Variants in TTBK2 observed in about 807,000 individuals in gnomAD.
The protein encoded by TTBK2 is tau tubulin kinase 2, also known as tau-tubulin kinase 2.
TTBK2 carries 28 observed loss-of-function variants against 110.8 expected under a neutral mutation model. The ratio of observed to expected loss-of-function variants is 0.25; its 90% CI spans 0.19 to 0.35. The LOEUF (loss-of-function observed/expected upper bound fraction) is 0.35, where lower values mean the gene tolerates loss of function less well. Among genes scored for constraint, TTBK2 ranks in the 10% least tolerant of loss-of-function variants. TTBK2 has a pLI of 1.00. For missense variants in TTBK2, 1,369 were observed against 1,500.3 expected, an observed-to-expected ratio of 0.91 and a Z score of 1.45; for synonymous variants, 532 against 527.3, an observed-to-expected ratio of 1.01 and a Z score of -0.12.
intron 13 of TTBK2, among the ~76,000 whole-genome samples, chr15:42,773,834 A>AGC (rs1889782816): frequency 1.3e-5 from 2 of 151,044 alleles, no homozygotes; most frequent in Admixed American, 6.6e-5. Flanking sequence ...GTTAGTAGTT[A>AGC]CCTCCCTCTA....
At chr15:42,837,294 G>T (rs1192111360) in intron 4 of TTBK2, among the ~76,000 whole-genome samples, 2 of 150,422 alleles carry the variant, frequency 1.3e-5, no homozygotes, top group South Asian at 2.1e-4. Flanking sequence ...GGAGGCGAAG[G>T]TTGCAGTGAG....
chr15:42,753,728 A>G (rs988774672), intron 13 of TTBK2, among the ~76,000 whole-genome samples: 1 of 151,944 alleles, frequency 6.6e-6, no homozygotes, highest in South Asian at 2.1e-4. Context: ...CTCAGCTACT[A>G]CCCTCGCCAA....
intron 1 of TTBK2, among the ~76,000 whole-genome samples, chr15:42,895,539 A>ATTTT (rs1019730546): frequency 7.0e-6 from 1 of 142,328 alleles, no homozygotes; most frequent in African/African-American, 2.6e-5. Flanking sequence ...CATCAAAAAG[A>ATTTT]TTTTTTTTTT....
At position 42,775,195 on chromosome 15, in the gene TTBK2, C is replaced by T; in HGVS notation, c.1938G>A (p.Gln646=). 4 of 1,614,258 alleles carry T rather than the reference C, an allele frequency of 2.5e-6. No individual in the cohort carries two copies. The highest frequency in any genetic ancestry group is 3.4e-6 in the Non-Finnish European group (4 of 1,180,046). Residue 646 remains glutamine (Q), a synonymous_variant, in exon 13 of 15, where the codon CAG becomes CAA. Transcript: ENST00000267890. The part of the protein sequence containing the change: ...RLELQPGAAS[Q]FIAATPTSLM... The stretch of plus-strand genomic sequence containing the variant: ...GACTTGTGGGCGTCGCTGCAATAAA[C>T]TGACTAGCAGCTCCAGGCTGGAGTT...
At chr15:42,784,260 T>G (rs1232617167) in intron 10 of TTBK2, among the ~76,000 whole-genome samples, 1 of 152,168 alleles carries the variant, frequency 6.6e-6, no homozygotes, top group Non-Finnish European at 1.5e-5. Context: ...CATAGAAGTC[T>G]CTGTCAATTA....
intron 3 of TTBK2, among the ~76,000 whole-genome samples, chr15:42,860,893 C>T (rs1022580342): frequency 6.6e-6 from 1 of 152,002 alleles, no homozygotes; most frequent in African/African-American, 2.4e-5. Flanking sequence ...AGGTGATCCA[C>T]CCACCTCAGC....
intron 1 of TTBK2, among the ~76,000 whole-genome samples, chr15:42,890,108 C>G (rs1355498223): frequency 6.6e-6 from 1 of 152,164 alleles, no homozygotes; most frequent in African/African-American, 2.4e-5. Context: ...GTTTCTCCCC[C>G]ACCCTTAAGA....
chr15:42,824,352 G>A (rs1892439321), intron 6 of TTBK2, among the ~76,000 whole-genome samples: 2 of 152,040 alleles, frequency 1.3e-5, no homozygotes, highest in African/African-American at 4.8e-5. Flanking sequence ...ATCTAAGTCT[G>A]TACTTGAGTT....
intron 3 of TTBK2, among the ~76,000 whole-genome samples, chr15:42,867,174 G>A (rs182286226): frequency 0.012 from 1,743 of 151,430 alleles, 131 homozygotes; most frequent in Admixed American, 0.11. Context: ...AACCTGGGAG[G>A]CGGAGCTTGC....
chr15:42,764,353 C>G (rs1239735336), intron 13 of TTBK2, among the ~76,000 whole-genome samples: 3 of 152,212 alleles, frequency 2.0e-5, no homozygotes, highest in Admixed American at 1.3e-4. Flanking sequence ...CTTCCCTAGC[C>G]AAGGGAAGCC....
In TTBK2 at chr15:42,777,238, G is replaced by A. The variant is rs760630770; in HGVS notation, c.1202C>T (p.Ala401Val). 6.2e-7 allele frequency: 1 copy of A among 1,614,050 alleles called. No individual in the cohort carries two copies. The highest frequency in any genetic ancestry group is 1.1e-5 in the South Asian group (1 of 91,056). Residue 401 changes from alanine to valine, a missense_variant, in exon 12 of 15, where the codon GCT (alanine) becomes GTT (valine). Ala to Val is a moderately conservative substitution (Grantham distance 64). This residue lies in a region of TTBK2 where 1,097 missense variants were observed against 1,114.7 expected (regional missense o/e 0.98). Coordinates refer to ENST00000267890, the MANE Select transcript of TTBK2 (RefSeq NM_173500.4). The stretch of plus-strand genomic sequence containing the variant: ...GCCATGGCTGTTCTCCTCTTCAGTA[G>A]CAGCCTATCCAAAATATAAAATAAA... Reference protein sequence around the residue: ...NKIKLGICKAATEEENSHGQA... With the variant: ...NKIKLGICKAVTEEENSHGQA...
intron 1 of TTBK2, among the ~76,000 whole-genome samples, chr15:42,902,239 C>T (rs546576270): frequency 7.6e-5 from 11 of 145,628 alleles, no homozygotes; most frequent in Non-Finnish European, 1.5e-4. Flanking sequence ...AACCAACCAC[C>T]GCCAGGCGCG....
intron 13 of TTBK2, among the ~76,000 whole-genome samples, chr15:42,767,915 C>T (rs1212015697): frequency 2.0e-5 from 3 of 152,162 alleles, no homozygotes; most frequent in Non-Finnish European, 4.4e-5. Flanking sequence ...TTATCCACCA[C>T]GATTAAGTTG....
intron 3 of TTBK2, among the ~76,000 whole-genome samples, chr15:42,862,519 T>G (rs1894199257): frequency 6.6e-6 from 1 of 152,166 alleles, no homozygotes; most frequent in Non-Finnish European, 1.5e-5. Context: ...AAAAAAAATT[T>G]TTCAATAAAA....
chr15:42,758,980 A>G (rs1304656986), intron 13 of TTBK2, among the ~76,000 whole-genome samples: 1 of 152,202 alleles, frequency 6.6e-6, no homozygotes, highest in African/African-American at 2.4e-5. Flanking sequence ...GCCACAGCTT[A>G]ATGCCACCCT....
chr15:42,881,350 A>G (rs1296777965), intron 1 of TTBK2, among the ~76,000 whole-genome samples: 3 of 151,758 alleles, frequency 2.0e-5, no homozygotes, highest in Admixed American at 6.6e-5. Flanking sequence ...AAATTTCAAA[A>G]AAAAAAAAAA....
At chr15:42,865,015 T>C (rs1174257505) in intron 3 of TTBK2, among the ~76,000 whole-genome samples, 1 of 152,178 alleles carries the variant, frequency 6.6e-6, no homozygotes, top group Admixed American at 6.5e-5. Context: ...ATCATTTTAT[T>C]ACGAGAAAAT....
At chr15:42,850,180 G>A (rs543884204) in intron 3 of TTBK2, among the ~76,000 whole-genome samples, 4 of 152,252 alleles carry the variant, frequency 2.6e-5, no homozygotes, top group South Asian at 2.1e-4. Flanking sequence ...TTTGAGGCCC[G>A]GGTATAAGAG....
At chr15:42,810,802 CCTCAGTAACCGT>C (rs1891678202) in intron 8 of TTBK2, 63 bp from the exon 9 acceptor site, 1 of 1,587,398 alleles carries the variant, frequency 6.3e-7, no homozygotes, top group Non-Finnish European at 8.6e-7. Flanking sequence ...ATTAAGAGCC[CCTCAGTAACCGT>C]CTCAAGGGTA....
Sources: gnomAD v4.1 joint callset for allele counts (sites outside exome capture counted in the v4.1 genomes callset) on GRCh38, gnomAD v4.1.1 for gene constraint, gnomAD v4.1.1 regional missense constraint, MANE v1.5 for transcripts, NCBI Gene and HGNC (gene_info 2026-07-23, HGNC 2026-07-21) for gene names.